The following TAFA1 variants were observed in gnomAD, a reference collection of about 807,000 sequenced individuals.
TAFA1 encodes the protein chemokine-like protein TAFA-1.
In TAFA1, 4 loss-of-function variants were observed where a neutral mutation model predicts 18.5. That is an observed-to-expected ratio of 0.22 (90% CI 0.11 to 0.49). TAFA1 has a LOEUF of 0.49. Among genes scored for constraint, TAFA1 ranks in the 20% least tolerant of loss-of-function variants. TAFA1 has a pLI of 0.98. For synonymous variants in TAFA1, 56 were observed against 55.2 expected (o/e 1.01, Z -0.06); for missense variants, 147 against 169.0 (o/e 0.87, Z 0.72).
intron 2 of TAFA1, among the ~76,000 whole-genome samples, chr3:68,180,796 C>T (rs1369162360): frequency 6.6e-6 from 1 of 152,170 alleles, no homozygotes; most frequent in Non-Finnish European, 1.5e-5. Context: ...ATGATCCTCT[C>T]CTCCTAGTTT....
intron 3 of TAFA1, among the ~76,000 whole-genome samples, chr3:68,464,045 A>T (rs1021405259): frequency 1.1e-4 from 16 of 152,194 alleles, no homozygotes; most frequent in Admixed American, 7.2e-4. Context: ...TTGATGAGGT[A>T]GGATGTTATT....
intron 2 of TAFA1, among the ~76,000 whole-genome samples, chr3:68,404,943 T>A (rs1442262063): frequency 6.6e-6 from 1 of 152,224 alleles, no homozygotes; most frequent in Non-Finnish European, 1.5e-5. Flanking sequence ...AGATTTTGTT[T>A]TGATCTTTTC....
chr3:68,073,668 AT>A (rs369355604), intron 2 of TAFA1, among the ~76,000 whole-genome samples: 2,323 of 151,742 alleles, frequency 0.015, 75 homozygotes, highest in African/African-American at 0.052. Context: ...TATACACAAT[AT>A]TTTTTTTTCT....
chr3:68,364,316 A>G (rs55963841), intron 2 of TAFA1, among the ~76,000 whole-genome samples: 307 of 152,322 alleles, frequency 2.0e-3, no homozygotes, highest in African/African-American at 5.5e-3. Context: ...GGCACTTACC[A>G]GGTACTTTTG....
chr3:68,160,685 T>G (rs993253966), intron 2 of TAFA1, among the ~76,000 whole-genome samples: 5 of 152,222 alleles, frequency 3.3e-5, no homozygotes, highest in African/African-American at 1.2e-4. Context: ...TTTTTGGTAA[T>G]AGTCAGCAAT....
chr3:68,003,742 T>C (rs1704312902), upstream of TAFA1, among the ~76,000 whole-genome samples: 1 of 152,208 alleles, frequency 6.6e-6, no homozygotes, highest in Non-Finnish European at 1.5e-5. Flanking sequence ...AGCATATTTC[T>C]TCATTTGATG....
intron 3 of TAFA1, among the ~76,000 whole-genome samples, chr3:68,462,220 A>C (rs2071797380): frequency 6.6e-6 from 1 of 152,192 alleles, no homozygotes; most frequent in South Asian, 2.1e-4. Context: ...CAAACATAAT[A>C]GATAACTGAT....
chr3:68,087,189 C>T (rs1251806757), intron 2 of TAFA1, among the ~76,000 whole-genome samples: 1 of 152,140 alleles, frequency 6.6e-6, no homozygotes, highest in African/African-American at 2.4e-5. Context: ...ATAAAGCTCT[C>T]ATACTCAGCT....
chr3:67,993,548 G>A, the TAFA1 span, among the ~76,000 whole-genome samples: 32 of 152,242 alleles, frequency 2.1e-4, no homozygotes, highest in Middle Eastern at 3.4e-3. Context: ...CTGTAATATG[G>A]GGAATGCCTG....
rs57372768 is a variant in TAFA1, at chr3:68,521,856, G to GTTTTTTTTTTTTT, written c.260-16892_260-16880dup. Among the ~76,000 whole-genome samples the GTTTTTTTTTTTTT allele has an allele frequency of 2.0e-4, 14 of 70,858 alleles. 1 individual carries two copies. In the South Asian group the frequency reaches 2.3e-3, roughly 11 times the overall value. 46.5% of individuals were successfully genotyped at this position (70,858 alleles called of 152,430 possible). ...TCTGGGTTTTTCTGTGTTTTTTTCT[G>GTTTTTTTTTTTTT]TTTTTTTTTTTTTTTTTTTTGGAGA... On this transcript the variant is annotated intron_variant, in intron 3 of 4. Transcript: ENST00000478136.
chr3:68,101,016 T>A (rs2065141286), intron 2 of TAFA1, among the ~76,000 whole-genome samples: 2 of 152,150 alleles, frequency 1.3e-5, no homozygotes, highest in Admixed American at 1.3e-4. Context: ...TTTTATTTAA[T>A]TTTTATTTTA....
chr3:68,280,399 T>C (rs760840339), intron 2 of TAFA1, among the ~76,000 whole-genome samples: 22 of 152,142 alleles, frequency 1.4e-4, no homozygotes, highest in Non-Finnish European at 2.6e-4. Context: ...TTCTGCCCTG[T>C]TTGGTGGTTC....
chr3:68,370,526 G>T, intron 2 of TAFA1, among the ~76,000 whole-genome samples: 1 of 76,846 alleles, frequency 1.3e-5, no homozygotes, highest in Non-Finnish European at 2.6e-5. Flanking sequence ...ACCCACATAT[G>T]TATTTTGGAG....
chr3:68,294,915 G>A (rs563864560), intron 2 of TAFA1, among the ~76,000 whole-genome samples: 4 of 152,104 alleles, frequency 2.6e-5, no homozygotes, highest in African/African-American at 9.7e-5. Flanking sequence ...GAATCACACA[G>A]CCACATTTCA....
At chr3:68,231,890 C>T (rs1234832238) in intron 2 of TAFA1, among the ~76,000 whole-genome samples, 1 of 152,084 alleles carries the variant, frequency 6.6e-6, no homozygotes, top group Admixed American at 6.6e-5. Context: ...TATTTTCTGT[C>T]TCTATAGACT....
chr3:68,108,126 C>T (rs1431725742), intron 2 of TAFA1, among the ~76,000 whole-genome samples: 1 of 152,038 alleles, frequency 6.6e-6, no homozygotes, highest in East Asian at 1.9e-4. Flanking sequence ...AGTCACCTTT[C>T]ACCTTTCATT....
At chr3:68,113,813 A>G (rs1326009959) in intron 2 of TAFA1, among the ~76,000 whole-genome samples, 3 of 151,770 alleles carry the variant, frequency 2.0e-5, no homozygotes, top group Non-Finnish European at 4.4e-5. Flanking sequence ...ACTCTCATCA[A>G]AAGGTAGAGT....
chr3:68,160,340 A>G (rs1372815139), intron 2 of TAFA1, among the ~76,000 whole-genome samples: 1 of 152,222 alleles, frequency 6.6e-6, no homozygotes, highest in African/African-American at 2.4e-5. Flanking sequence ...CATAGATTAT[A>G]TTGTAAATGA....
chr3:68,145,264 T>C (rs1201410835), intron 2 of TAFA1: 3 of 788,700 alleles, frequency 3.8e-6, no homozygotes, highest in African/African-American at 3.4e-5. Flanking sequence ...GAGATTTCCC[T>C]GGGATCTATA....
Sources: allele counts gnomAD v4.1 joint callset (sites outside exome capture counted in the v4.1 genomes callset), GRCh38; gene constraint gnomAD v4.1.1; transcripts MANE v1.5; gene names NCBI Gene and HGNC (gene_info 2026-07-23, HGNC 2026-07-21).